The following CCDC180 variants were observed in gnomAD, a reference collection of about 807,000 sequenced individuals.
The protein encoded by CCDC180 is coiled-coil domain containing 180.
In CCDC180, 154 loss-of-function variants were observed where a neutral mutation model predicts 209.2. That is an observed-to-expected ratio of 0.74 (90% CI 0.65 to 0.84). CCDC180 has a LOEUF of 0.84. Among genes scored for constraint, CCDC180 ranks in the 40% least tolerant of loss-of-function variants. The pLI, the probability that CCDC180 is intolerant of heterozygous loss-of-function variation, is 0.00. For missense variants in CCDC180, 1,874 were observed against 1,997.3 expected (o/e 0.94, Z 1.18); for synonymous variants, 778 against 749.1 (o/e 1.04, Z -0.63).
At chr9:97,348,816 C>A (rs937329695) in intron 20 of CCDC180, among the ~76,000 whole-genome samples, 9 of 152,206 alleles carry the variant, frequency 5.9e-5, no homozygotes, top group Admixed American at 2.0e-4. Context: ...CCCAACACCC[C>A]CTGCCCATCC....
intron 10 of CCDC180, 56 bp downstream of exon 10, chr9:97,318,638 G>C: frequency 6.3e-7 from 1 of 1,593,948 alleles, no homozygotes; most frequent in African/African-American, 1.3e-5. Flanking sequence ...AGTGAGGGAG[G>C]CAGAAGTGGC....
intron 16 of CCDC180, among the ~76,000 whole-genome samples, chr9:97,329,944 T>C (rs1025232967): frequency 2.0e-5 from 3 of 151,836 alleles, no homozygotes; most frequent in Non-Finnish European, 4.4e-5. Flanking sequence ...GGCTGGCGCC[T>C]ATAGTCCCAG....
At position 97,357,647 on chromosome 9, in the gene CCDC180, A is replaced by G; in HGVS notation, c.3285A>G (p.Gln1095=). 6.2e-7 allele frequency: 1 copy of G among 1,613,330 alleles called. No individual in the cohort carries two copies. Among genetic ancestry groups the G allele is most frequent in the Non-Finnish European group, 8.5e-7 (1 of 1,179,784 alleles). The change falls in exon 25 of 37, where the codon CAA becomes CAG. Residue 1095 remains glutamine (Q), a synonymous_variant. Transcript: ENST00000529487. ...TCTAGGTGGCAAAATCCAATTCGCA[A>G]ACAAATGGATTAAATTTCTCTCTGC... The part of the protein sequence containing the change: ...IKCQVAKSNS[Q]TNGLNFSLQQ...
At position 97,362,292 on chromosome 9, in the gene CCDC180, G is replaced by A. The variant is rs1224892549; in HGVS notation, c.3753G>A (p.Glu1251=). 6.2e-7 allele frequency: 1 copy of A among 1,614,162 alleles called. No individual in the cohort carries two copies. ...AWACGSRGSS[E]AGAGGAVCSP... is the part of the protein sequence containing the mutation. ...CCTGTGGGTCTCGGGGCAGCAGTGA[G>A]GCAGGGGCTGGTGGTGCTGTGTGCT... Residue 1251 remains glutamate (E), a synonymous_variant, in exon 28 of 37, where the codon GAG becomes GAA. Coordinates refer to ENST00000529487, the MANE Select transcript of CCDC180 (RefSeq NM_020893.6).
At chr9:97,349,371 C>T in intron 21 of CCDC180, 80 bp downstream of exon 21, 2 of 1,275,720 alleles carry the variant, frequency 1.6e-6, no homozygotes, top group South Asian at 1.4e-5. Flanking sequence ...AGGAGCCCCC[C>T]TCCCTGTAGA....
chr9:97,326,782 G>A lies in CCDC180; in HGVS notation c.1661+113G>A, dbSNP rs1833549032. Reference sequence around the variant, plus strand: ...CCTGCCAGCTTAAGATGAAAATTGTGCCTCTCACTTTAGAAAGCATGTGGC... The same window carrying A: ...CCTGCCAGCTTAAGATGAAAATTGTACCTCTCACTTTAGAAAGCATGTGGC... On this transcript the variant is annotated intron_variant, in intron 15 of 36. Coordinates refer to ENST00000529487, the MANE Select transcript of CCDC180 (RefSeq NM_020893.6). 9 of 672,086 alleles carry A rather than the reference G, an allele frequency of 1.3e-5. No homozygotes were observed. In the South Asian group the frequency reaches 1.4e-4, roughly 10 times the overall value. The allele number at this position is 672,086 out of a possible 1,614,324, so 41.6% of individuals were successfully genotyped here.
intron 33 of CCDC180, chr9:97,371,041 G>T: frequency 5.3e-6 from 1 of 190,096 alleles, no homozygotes; most frequent in South Asian, 1.1e-4. Context: ...TCGGCTCACT[G>T]CAAGCTCCGC....
At chr9:97,324,936 A>G in intron 13 of CCDC180, 83 bp from the exon 14 acceptor site, 1 of 1,323,628 alleles carries the variant, frequency 7.6e-7, no homozygotes, top group South Asian at 1.4e-5. Flanking sequence ...GTCGTTAGAG[A>G]CAGGGGGTCC....
rs372995580 is a variant in CCDC180, at chr9:97,362,331, C to T, written c.3792C>T (p.Leu1264=). Residue 1264 remains leucine (L), a synonymous_variant, in exon 28 of 37, where the codon CTC becomes CTT. Coordinates refer to ENST00000529487, the MANE Select transcript of CCDC180 (RefSeq NM_020893.6). ...AGGAVCSPPV[L]CSCPGPSSPK... ...GTGCTGTGTGCTCACCTCCTGTCCT[C>T]TGCTCCTGTCCTGGGCCCTCGTCAC... 3.7e-6 allele frequency: 6 copies of T among 1,614,032 alleles called. No homozygotes were observed. The highest frequency in any genetic ancestry group is 5.1e-6 in the Non-Finnish European group (6 of 1,180,024).
chr9:97,347,860 T>C (rs576084626), intron 20 of CCDC180, among the ~76,000 whole-genome samples: 7 of 152,176 alleles, frequency 4.6e-5, no homozygotes, highest in Non-Finnish European at 1.0e-4. Context: ...GTTGAAGCTC[T>C]CAGTTTCAAC....
In CCDC180 at chr9:97,314,456, G is replaced by A; in HGVS notation, c.523G>A (p.Glu175Lys). The A allele has an allele frequency of 6.2e-7, 1 of 1,614,166 alleles. No individual in the cohort carries two copies. The highest frequency in any genetic ancestry group is 8.5e-7 in the Non-Finnish European group (1 of 1,180,028). ...LFLKKLTESD[E>K]EMNRLFLKVE... is the part of the protein sequence containing the mutation. ...TTTGAAGAAGCTGACTGAGTCTGAT[G>A]AAGAAATGAACCGTCTCTTCCTAAA... is the stretch of plus-strand genomic sequence containing the variant. Residue 175 changes from glutamate to lysine, a missense_variant, in exon 6 of 37, where the codon GAA (glutamate) becomes AAA (lysine). Coordinates refer to ENST00000529487, the MANE Select transcript of CCDC180 (RefSeq NM_020893.6).
intron 29 of CCDC180, chr9:97,364,385 T>C (rs1390288654): frequency 2.3e-6 from 1 of 433,264 alleles, no homozygotes; most frequent in Non-Finnish European, 4.1e-6. Flanking sequence ...GGAGACCCCA[T>C]TCGAGGTCTG....
At chr9:97,317,566 A>G (rs1006224903) in intron 9 of CCDC180, among the ~76,000 whole-genome samples, 3 of 152,166 alleles carry the variant, frequency 2.0e-5, no homozygotes, top group Non-Finnish European at 4.4e-5. Context: ...AATTATCTGT[A>G]TAATTTCCAC....
rs1826361617 is a variant in CCDC180, at chr9:97,349,379, AGAC to A, written c.2855+89_2855+91del. ...CTTTCAAAGGAGCCCCCCTCCCTGT[AGAC>A]ACAAAAGCAGAAGGCACCTCCAGAG... is the stretch of plus-strand genomic sequence containing the variant. On this transcript the variant is annotated intron_variant, in intron 21 of 36. Coordinates refer to ENST00000529487, the MANE Select transcript of CCDC180 (RefSeq NM_020893.6). 6.7e-6 allele frequency: 8 copies of A among 1,190,874 alleles called. No individual in the cohort carries two copies. In the Admixed American group the frequency reaches 2.0e-4, roughly 30 times the overall value. The allele number at this position is 1,190,874 out of a possible 1,614,324, so 73.8% of individuals were successfully genotyped here.
chr9:97,324,174 C>G (rs1424779956), intron 13 of CCDC180, among the ~76,000 whole-genome samples: 2 of 152,170 alleles, frequency 1.3e-5, no homozygotes, highest in East Asian at 3.9e-4. Flanking sequence ...CACTGAAGGG[C>G]TGTGGAGGCA....
At chr9:97,325,899 T>G (rs958062120) in intron 14 of CCDC180, among the ~76,000 whole-genome samples, 1 of 152,018 alleles carries the variant, frequency 6.6e-6, no homozygotes, top group African/African-American at 2.4e-5. Flanking sequence ...AGTCCAGTAG[T>G]TAAGGTTAAC....
At position 97,330,545 on chromosome 9, in the gene CCDC180, G is replaced by A. The variant is rs142026248; in HGVS notation, c.2052G>A (p.Glu684=). The change falls in exon 18 of 37, where the codon GAG becomes GAA. Residue 684 remains glutamate, a synonymous_variant. Coordinates refer to ENST00000529487, the MANE Select transcript of CCDC180 (RefSeq NM_020893.6). ...KKSPLHAKMD[E]SKEGSIQGLE... ...CTCCACTGCATGCTAAGATGGATGA[G>A]TCCAAAGAAGGCTCTATTCAGGGAC... The A allele has an allele frequency of 9.3e-6, 15 of 1,614,166 alleles. No individual in the cohort carries two copies. The African/African-American group carries it at 1.9e-4, about 20-fold the overall frequency.
At chr9:97,321,753 A>C (rs1437648217) in intron 11 of CCDC180, among the ~76,000 whole-genome samples, 1 of 152,218 alleles carries the variant, frequency 6.6e-6, no homozygotes, top group Non-Finnish European at 1.5e-5. Context: ...TTAGGGACAC[A>C]GCTGGTTCAG....
chr9:97,326,284 G>A (rs1833532028), intron 14 of CCDC180, among the ~76,000 whole-genome samples: 1 of 152,194 alleles, frequency 6.6e-6, no homozygotes, highest in Non-Finnish European at 1.5e-5. Flanking sequence ...GGGTGTGAGG[G>A]CCCTGTCTCC....
Sources: gnomAD v4.1 joint callset for allele counts (sites outside exome capture counted in the v4.1 genomes callset) on GRCh38, gnomAD v4.1.1 for gene constraint, MANE v1.5 for transcripts, NCBI Gene and HGNC (gene_info 2026-07-23, HGNC 2026-07-21) for gene names.